Variants in ATG5 observed in about 807,000 individuals in gnomAD.
ATG5 encodes the protein autophagy protein 5.
In ATG5, 14 loss-of-function variants were observed where a neutral mutation model predicts 36.5. The observed-to-expected ratio is 0.38, with a 90% CI of 0.25 to 0.60. The LOEUF (loss-of-function observed/expected upper bound fraction) is 0.60, where lower values mean the gene tolerates loss of function less well. Among genes scored for constraint, ATG5 ranks in the 20% least tolerant of loss-of-function variants. ATG5 has a pLI of 0.60. For missense variants in ATG5, 195 were observed against 326.7 expected (o/e 0.60, Z 3.11); for synonymous variants, 95 against 101.5 (o/e 0.94, Z 0.38).
chr6:106,239,245 TAAAG>T (rs1348399482), intron 6 of ATG5, among the ~76,000 whole-genome samples: 4 of 151,044 alleles, frequency 2.6e-5, no homozygotes, highest in Non-Finnish European at 5.9e-5. Flanking sequence ...GGAAACAAAA[TAAAG>T]AAAAACAAAA....
At chr6:106,205,274 A>G (rs79477594) in intron 6 of ATG5, among the ~76,000 whole-genome samples, 1 of 152,346 alleles carries the variant, frequency 6.6e-6, no homozygotes, top group South Asian at 2.1e-4. Flanking sequence ...CAACTCAAAG[A>G]AAAAAGTCAG....
At chr6:106,205,257 G>T (rs1195860713) in intron 6 of ATG5, among the ~76,000 whole-genome samples, 1 of 152,158 alleles carries the variant, frequency 6.6e-6, no homozygotes, top group Non-Finnish European at 1.5e-5. Context: ...CAGCAGGACT[G>T]TACCCACAAC....
At chr6:106,246,392 TCACACACACACA>T (rs72252671) in intron 6 of ATG5, among the ~76,000 whole-genome samples, 3,278 of 129,626 alleles carry the variant, frequency 0.025, 47 homozygotes, top group African/African-American at 0.048. Flanking sequence ...TCTCTCTCTC[TCACACACACACA>T]CACACACACA....
At chr6:106,212,633 G>C (rs1480011560) in intron 6 of ATG5, among the ~76,000 whole-genome samples, 1 of 152,194 alleles carries the variant, frequency 6.6e-6, no homozygotes, top group East Asian at 1.9e-4. Context: ...CCCAGAGCGA[G>C]ACTCCGTATA....
intron 6 of ATG5, among the ~76,000 whole-genome samples, chr6:106,207,994 AGG>A (rs1295502281): frequency 6.6e-6 from 1 of 152,192 alleles, no homozygotes; most frequent in Non-Finnish European, 1.5e-5. Flanking sequence ...CGGGAGGCTG[AGG>A]CAGGAGAATT....
chr6:106,201,325 C>T (rs1209767188), intron 7 of ATG5, among the ~76,000 whole-genome samples: 1 of 151,048 alleles, frequency 6.6e-6, no homozygotes, highest in Non-Finnish European at 1.5e-5. Flanking sequence ...TGGTCTCTAT[C>T]AGTTAATGGA....
intron 6 of ATG5, among the ~76,000 whole-genome samples, chr6:106,218,244 ATAAC>A (rs1777114440): frequency 6.6e-6 from 1 of 152,214 alleles, no homozygotes; most frequent in South Asian, 2.1e-4. Flanking sequence ...GGCCTCATGA[ATAAC>A]TATCAACCAA....
At chr6:106,308,512 AC>A (rs1235622173) in intron 2 of ATG5, 21 bp from the exon 3 acceptor site, 2 of 1,510,684 alleles carry the variant, frequency 1.3e-6, no homozygotes, top group Non-Finnish European at 8.9e-7. Flanking sequence ...AATTTGTAAA[AC>A]CGTATTTATT....
chr6:106,269,123 C>T (rs1582634156), intron 5 of ATG5, among the ~76,000 whole-genome samples: 1 of 152,294 alleles, frequency 6.6e-6, no homozygotes, highest in African/African-American at 2.4e-5. Context: ...CACATCCCCA[C>T]TAGATTAGCT....
At chr6:106,290,998 ATTCTTT>A (rs1348579532) in intron 4 of ATG5, among the ~76,000 whole-genome samples, 1 of 152,236 alleles carries the variant, frequency 6.6e-6, no homozygotes, top group Non-Finnish European at 1.5e-5. Flanking sequence ...GGTTCACTTT[ATTCTTT>A]TTCAAGAAAA....
chr6:106,235,728 C>T (rs967375078), intron 6 of ATG5, among the ~76,000 whole-genome samples: 1 of 152,144 alleles, frequency 6.6e-6, no homozygotes, highest in Admixed American at 6.5e-5. Context: ...CCCAGGCATT[C>T]AAGCCGGCAA....
At chr6:106,189,334 G>T (rs750362577) in intron 7 of ATG5, among the ~76,000 whole-genome samples, 2 of 152,172 alleles carry the variant, frequency 1.3e-5, no homozygotes, top group Admixed American at 6.5e-5. Flanking sequence ...GCCAGGTGTG[G>T]TGGCTCATGT....
chr6:106,286,667 C>T (rs1232427581), intron 4 of ATG5, among the ~76,000 whole-genome samples: 1 of 152,164 alleles, frequency 6.6e-6, no homozygotes, highest in Non-Finnish European at 1.5e-5. Context: ...TCATGTTATA[C>T]AGTAAGATTC....
chr6:106,253,988 A>T (rs1778701121), intron 5 of ATG5, among the ~76,000 whole-genome samples: 1 of 152,098 alleles, frequency 6.6e-6, no homozygotes, highest in Non-Finnish European at 1.5e-5. Flanking sequence ...TTGGAAAGTT[A>T]TTGCTGCATT....
chr6:106,226,082 T>A (rs1044237536), intron 6 of ATG5, among the ~76,000 whole-genome samples: 2 of 152,156 alleles, frequency 1.3e-5, no homozygotes, highest in Non-Finnish European at 2.9e-5. Context: ...AATCCAGTTA[T>A]AAATTGCTTG....
intron 5 of ATG5, among the ~76,000 whole-genome samples, chr6:106,273,344 A>G (rs1431977508): frequency 6.6e-6 from 1 of 152,240 alleles, no homozygotes; most frequent in Non-Finnish European, 1.5e-5. Flanking sequence ...CTGGAAAGTT[A>G]TCTATTTCCT....
At chr6:106,188,837 G>A (rs933920580) in intron 7 of ATG5, among the ~76,000 whole-genome samples, 3 of 152,134 alleles carry the variant, frequency 2.0e-5, no homozygotes, top group African/African-American at 7.2e-5. Flanking sequence ...CAACAGAACA[G>A]TTTAAGGTTT....
Position 106,222,508 on chromosome 6 carries a change from C to T in ATG5, c.574-20419G>A, listed in dbSNP as rs9386515. On this transcript the variant is annotated intron_variant, in intron 6 of 7. Transcript: ENST00000369076. Reference sequence around the variant, plus strand: ...ATTATGTTTTTACTTTCTGTGCATGCACTTTCTTTATTAGAAGAAAATGGA... The same window carrying T: ...ATTATGTTTTTACTTTCTGTGCATGTACTTTCTTTATTAGAAGAAAATGGA... Among the ~76,000 whole-genome samples the T allele has an allele frequency of 2.4e-3, 371 of 152,234 alleles. 12 individuals are homozygous for T. In the East Asian group the frequency reaches 0.062, roughly 25 times the overall value.
At chr6:106,201,018 A>ATG (rs1379405692) in intron 7 of ATG5, among the ~76,000 whole-genome samples, 1 of 152,190 alleles carries the variant, frequency 6.6e-6, no homozygotes, top group Non-Finnish European at 1.5e-5. Context: ...ACCTATGCAC[A>ATG]TGTGTGCTTT....
Sources: allele counts gnomAD v4.1 joint callset (sites outside exome capture counted in the v4.1 genomes callset), GRCh38; gene constraint gnomAD v4.1.1; transcripts MANE v1.5; gene names NCBI Gene and HGNC (gene_info 2026-07-23, HGNC 2026-07-21).